Variants in IFT172 observed in about 807,000 individuals in gnomAD.
The protein encoded by IFT172 is intraflagellar transport protein 172 homolog.
Under a neutral mutation model 248.9 loss-of-function variants are expected in IFT172, and 164 were observed. The observed-to-expected ratio is 0.66, with a 90% CI of 0.58 to 0.75. IFT172 has a LOEUF of 0.75. IFT172 is among the 30% of genes least tolerant of loss of function. IFT172 has a pLI of 0.00. For synonymous variants in IFT172, 729 were observed against 791.6 expected, an observed-to-expected ratio of 0.92 and a Z score of 1.33; for missense variants, 1,950 against 2,192.4, an observed-to-expected ratio of 0.89 and a Z score of 2.21.
intron 18 of IFT172, chr2:27,465,185 G>C: frequency 1.9e-6 from 1 of 535,148 alleles, no homozygotes; most frequent in Non-Finnish European, 3.4e-6. Context: ...CTCCCAAAGT[G>C]CTGGGATTAC....
intron 14 of IFT172, among the ~76,000 whole-genome samples, chr2:27,474,013 G>T (rs1667787628): frequency 6.6e-6 from 1 of 151,966 alleles, no homozygotes; most frequent in Non-Finnish European, 1.5e-5. Context: ...TCACCACGTT[G>T]GTCAGGCTGG....
chr2:27,454,667 CAG>C lies in IFT172; in HGVS notation c.3372-9_3372-8del, dbSNP rs760457030. 44 of 1,613,150 alleles carry C rather than the reference CAG, an allele frequency of 2.7e-5. 1 individual carries two copies. In the South Asian group the frequency reaches 4.3e-4, roughly 16 times the overall value. ...AAACGCAAATTCAAAGGAGCTGAAACAGAAAGTGCAGATAAAGTTTTCTTGCT... is the reference window on the plus strand; with the variant it reads ...AAACGCAAATTCAAAGGAGCTGAAACAAAGTGCAGATAAAGTTTTCTTGCT... On this transcript the variant is annotated splice_region_variant and splice_polypyrimidine_tract_variant and intron_variant, in intron 30 of 47. Coordinates refer to ENST00000260570, the MANE Select transcript of IFT172 (RefSeq NM_015662.3). The surrounding 1 kb of genome is among the most constrained non-coding windows in gnomAD (Gnocchi z 4.2).
intron 16 of IFT172, among the ~76,000 whole-genome samples, chr2:27,467,418 G>GAAAAAAAAAAAAA: frequency 6.1e-5 from 1 of 16,426 alleles, no homozygotes; most frequent in Non-Finnish European, 1.1e-4. Context: ...ACAGAAAATT[G>GAAAAAAAAAAAAA]AAAAAAAAAA....
Position 27,444,478 on chromosome 2 carries a change from C to G in IFT172, c.5204G>C (p.Ser1735Thr). 6.2e-7 allele frequency: 1 copy of G among 1,613,712 alleles called. No individual in the cohort carries two copies. Among genetic ancestry groups the G allele is most frequent in the South Asian group, 1.1e-5 (1 of 90,946 alleles). The change falls in exon 48 of 48, where the codon AGT becomes ACT. Residue 1735 changes from serine (S) to threonine (T), a missense_variant. Transcript: ENST00000260570. ...PVCQDVLKFI[S>T]QWCGGLPSTS... Reference sequence around the variant, plus strand: ...GCTGGGGAGCCCTCCACACCACTGACTGATGAATTTCAGCACGTCCTGGCA... The same window carrying G: ...GCTGGGGAGCCCTCCACACCACTGAGTGATGAATTTCAGCACGTCCTGGCA...
chr2:27,448,390 C>CGCCCG (rs1429894180), intron 40 of IFT172, among the ~76,000 whole-genome samples: 1 of 151,722 alleles, frequency 6.6e-6, no homozygotes, highest in Non-Finnish European at 1.5e-5. Context: ...TGAGCCACTG[C>CGCCCG]GCCCGGCCAA....
chr2:27,471,262 C>T, intron 15 of IFT172, 167 bp from the exon 16 acceptor site: 2 of 593,480 alleles, frequency 3.4e-6, no homozygotes, highest in South Asian at 4.7e-5. Flanking sequence ...TATATCCTAA[C>T]TCTGGTCAAG....
Position 27,479,525 on chromosome 2 carries a change from T to C in IFT172, c.989A>G (p.Tyr330Cys). 1 of 1,608,900 alleles carries C rather than the reference T, an allele frequency of 6.2e-7. No individual in the cohort carries two copies. The highest frequency in any genetic ancestry group is 8.5e-7 in the Non-Finnish European group (1 of 1,175,224). The stretch of plus-strand genomic sequence containing the variant: ...CCTGCTTACCTGGCTAGGTCCCACA[T>C]ACGTCAACTCAAACTTGTTCTTGTA... The part of the protein sequence containing the change: ...SIYKNKFELT[Y>C]VGPSQVIVKN... Residue 330 changes from tyrosine (Y) to cysteine (C), a missense_variant, in exon 10 of 48, where the codon TAT (tyrosine) becomes TGT (cysteine). Transcript: ENST00000260570.
chr2:27,444,650 GT>G (rs1220139140), intron 47 of IFT172, 129 bp from the exon 48 acceptor site: 1 of 620,974 alleles, frequency 1.6e-6, no homozygotes, highest in Non-Finnish European at 2.6e-6. Context: ...GTGTATGTGG[GT>G]TTTTTGTTTG....
In IFT172 at chr2:27,485,102, C is replaced by T. The variant is rs1392472019; in HGVS notation, c.212G>A (p.Gly71Asp). 2 of 1,608,490 alleles carry T rather than the reference C, an allele frequency of 1.2e-6. No individual in the cohort carries two copies. The highest frequency in any genetic ancestry group is 1.1e-5 in the South Asian group (1 of 90,964). The change falls in exon 3 of 48, where the codon GGC (glycine) becomes GAC (aspartate). Residue 71 changes from glycine to aspartate, a missense_variant. This residue lies in a region of IFT172 where 1,166 missense variants were observed against 1,254.1 expected (regional missense o/e 0.93). Transcript: ENST00000260570. ...KYGRKSYMVK[G>D]MAFSPDSTKI... ...AGTGGAATCAGGAGAAAAAGCCATG[C>T]CCTTCACCATATAGCTCTTCCTGCC...
At chr2:27,453,168 TC>T (rs944121210) in intron 35 of IFT172, 6 of 704,898 alleles carry the variant, frequency 8.5e-6, no homozygotes, top group Non-Finnish European at 1.6e-5. Context: ...TTGGTCTAAT[TC>T]CCCTAACTTT....
chr2:27,458,044 G>A (rs1666312683), intron 27 of IFT172, 68 bp from the exon 28 acceptor site: 1 of 1,612,244 alleles, frequency 6.2e-7, no homozygotes, highest in African/African-American at 1.3e-5. Context: ...CTGGGCAGAG[G>A]GTACACATCC....
At position 27,457,985 on chromosome 2, in the gene IFT172, G is replaced by T. The variant is rs750392294; in HGVS notation, c.2976-9C>A. ...GTACTGTCACATATAGCCTGGGGAA[G>T]GAGATACATCTGGGGCCTCCTAGAC... is the stretch of plus-strand genomic sequence containing the variant. On this transcript the variant is annotated splice_polypyrimidine_tract_variant and intron_variant, in intron 27 of 47. Coordinates refer to ENST00000260570, the MANE Select transcript of IFT172 (RefSeq NM_015662.3). 1 of 1,614,166 alleles carries T rather than the reference G, an allele frequency of 6.2e-7. No individual in the cohort carries two copies. Among genetic ancestry groups the T allele is most frequent in the East Asian group, 2.2e-5 (1 of 44,878 alleles).
At chr2:27,488,048 T>C (rs571450926) in intron 1 of IFT172, among the ~76,000 whole-genome samples, 2 of 152,288 alleles carry the variant, frequency 1.3e-5, no homozygotes, top group African/African-American at 4.8e-5. Context: ...AGTGGTGTGA[T>C]CACGTCTCAC....
chr2:27,464,753 G>A (rs1042736349), intron 18 of IFT172, among the ~76,000 whole-genome samples: 2 of 151,944 alleles, frequency 1.3e-5, no homozygotes, highest in Admixed American at 6.6e-5. Flanking sequence ...GAATAGCTGG[G>A]ACCACAGGTG....
intron 35 of IFT172, 64 bp downstream of exon 35, chr2:27,453,320 G>A (rs760650502): frequency 6.3e-7 from 1 of 1,592,730 alleles, no homozygotes; most frequent in Admixed American, 1.7e-5. Flanking sequence ...GATGTGAGAA[G>A]CAGAGCCAAG....
At position 27,458,218 on chromosome 2, in the gene IFT172, C is replaced by T. The variant is rs200597660; in HGVS notation, c.2883G>A (p.Ala961=). 78 of 1,613,924 alleles carry T rather than the reference C, an allele frequency of 4.8e-5. No individual in the cohort carries two copies. The highest frequency in any genetic ancestry group is 1.6e-4 in the Middle Eastern group (1 of 6,084). Residue 961 remains alanine (A), a synonymous_variant, in exon 27 of 48, where the codon GCG becomes GCA. Coordinates refer to ENST00000260570, the MANE Select transcript of IFT172 (RefSeq NM_015662.3). ...CATCTTCTGGTCTCATGCATTTCAT[C>T]GCCAGCTGTGGAGGCACAGAGGCAA... ...AGRWEQAHKL[A]MKCMRPEDVS...
Position 27,465,747 on chromosome 2 carries a change from G to A in IFT172, c.1828C>T (p.Arg610Trp), listed in dbSNP as rs376749789. The A allele has an allele frequency of 1.4e-5, 23 of 1,613,918 alleles. No individual in the cohort carries two copies. Among genetic ancestry groups the A allele is most frequent in the African/African-American group, 2.7e-5 (2 of 74,860 alleles). ...ACTGGTTATTGGCCAGCCTCTCACC[G>A]GATGTAGTTGCCATCATCAATGGCT... Reference protein sequence around the residue: ...GTAIDDGNYIRATAFLETLEM... With the variant: ...GTAIDDGNYIWATAFLETLEM... The change falls in exon 17 of 48, where the codon CGG (arginine) becomes TGG (tryptophan). Residue 610 changes from arginine (R) to tryptophan (W), a missense_variant and splice_region_variant. Arg to Trp is a moderately radical substitution (Grantham distance 101). Around this residue, in one of 3 missense-constraint regions of IFT172, gnomAD observed 1,166 missense variants for 1,254.1 expected, o/e 0.93. Coordinates refer to ENST00000260570, the MANE Select transcript of IFT172 (RefSeq NM_015662.3).
chr2:27,472,616 C>T (rs561925805), intron 14 of IFT172, among the ~76,000 whole-genome samples: 6 of 152,186 alleles, frequency 3.9e-5, no homozygotes, highest in African/African-American at 9.7e-5. Flanking sequence ...AGAATCCCCT[C>T]GAAGGCAGCA....
At chr2:27,455,801 TG>T in intron 30 of IFT172, 1 of 485,580 alleles carries the variant, frequency 2.1e-6, no homozygotes, top group Non-Finnish European at 3.9e-6. Flanking sequence ...GTTGGCATCA[TG>T]GACCATGAAG....
Sources: allele counts gnomAD v4.1 joint callset (sites outside exome capture counted in the v4.1 genomes callset), GRCh38; gene constraint gnomAD v4.1.1; regional missense constraint gnomAD v4.1.1; non-coding constraint Gnocchi (gnomAD v3.1); transcripts MANE v1.5; gene names NCBI Gene and HGNC (gene_info 2026-07-23, HGNC 2026-07-21).